Variants in TRAK1 observed in about 807,000 individuals in gnomAD.
The protein encoded by TRAK1 is trafficking kinesin-binding protein 1.
TRAK1 carries 33 observed loss-of-function variants against 92.1 expected under a neutral mutation model. The observed-to-expected ratio is 0.36, with a 90% CI of 0.27 to 0.48. TRAK1 has a LOEUF of 0.48. Ranked by LOEUF, TRAK1 falls within the 20% of genes least tolerant of loss-of-function variation. TRAK1 has a pLI of 0.99. For synonymous variants in TRAK1, 521 were observed against 517.3 expected, an observed-to-expected ratio of 1.01 and a Z score of -0.10; for missense variants, 1,123 against 1,257.9, an observed-to-expected ratio of 0.89 and a Z score of 1.62.
At chr3:42,103,729 C>T (rs1048374498) in intron 1 of TRAK1, among the ~76,000 whole-genome samples, 8 of 152,038 alleles carry the variant, frequency 5.3e-5, no homozygotes, top group Non-Finnish European at 1.0e-4. Context: ...CCAACATGGC[C>T]GAAAAGGAAC....
At chr3:42,145,223 G>A (rs985851343) in intron 2 of TRAK1, among the ~76,000 whole-genome samples, 8 of 152,150 alleles carry the variant, frequency 5.3e-5, no homozygotes, top group African/African-American at 1.9e-4. Flanking sequence ...GGTGGCCCAC[G>A]CCTGTAATTC....
At chr3:42,185,061 CCTCA>C in intron 4 of TRAK1, 1 of 455,450 alleles carries the variant, frequency 2.2e-6, no homozygotes, top group Non-Finnish European at 4.0e-6. Flanking sequence ...CGGGCATGGT[CCTCA>C]CTCAGTCGTA....
At chr3:42,056,136 T>C (rs1382653009) in intron 1 of TRAK1, among the ~76,000 whole-genome samples, 1 of 152,266 alleles carries the variant, frequency 6.6e-6, no homozygotes, top group Admixed American at 6.5e-5. Flanking sequence ...ATAATGTTGC[T>C]GTGAACATCT....
chr3:42,160,227 T>C lies in TRAK1; in HGVS notation c.287-16587T>C. On this transcript the variant is annotated intron_variant, in intron 2 of 15. Coordinates refer to ENST00000327628, the MANE Select transcript of TRAK1 (RefSeq NM_001042646.3). The stretch of plus-strand genomic sequence containing the variant: ...CCTCCACTTCAGCTGAGCCAGGGCA[T>C]GTCTGCGGCCCAGGCCAGGGCGCAG... 8.9e-6 allele frequency: 13 copies of C among 1,468,798 alleles called. No homozygotes were observed. The South Asian group carries it at 1.7e-4, about 20-fold the overall frequency. 91.0% of individuals were successfully genotyped at this position (1,468,798 alleles called of 1,614,324 possible). A position where few individuals can be genotyped will look rare whatever the true frequency, so the allele number is the denominator to read the frequency against.
rs1709026603 is a variant in TRAK1, at chr3:42,211,538, C to A, written c.1963+1553C>A. On this transcript the variant is annotated intron_variant, in intron 14 of 15. Transcript: ENST00000327628. Reference sequence around the variant, plus strand: ...CAGGTGGTGGTGCAGAAACATGATGCCTGGCTGATTTTCGTGGCTAAAGGG... The same window carrying A: ...CAGGTGGTGGTGCAGAAACATGATGACTGGCTGATTTTCGTGGCTAAAGGG... The A allele has an allele frequency of 9.1e-6, 9 of 985,258 alleles. No homozygotes were observed. In the South Asian group the frequency reaches 3.8e-4, roughly 41 times the overall value. 61.0% of individuals were successfully genotyped at this position (985,258 alleles called of 1,614,324 possible). A position where few individuals can be genotyped will look rare whatever the true frequency, so the allele number is the denominator to read the frequency against.
At chr3:42,051,757 G>C (rs990979565) in intron 1 of TRAK1, 3 of 152,232 alleles carry the variant, frequency 2.0e-5, no homozygotes, top group Non-Finnish European at 4.4e-5. Context: ...GAGCCATTAT[G>C]AGAAAGATAG....
intron 1 of TRAK1, among the ~76,000 whole-genome samples, chr3:42,122,436 G>A (rs933084370): frequency 4.6e-5 from 7 of 151,924 alleles, no homozygotes; most frequent in African/African-American, 1.7e-4. Context: ...TGTGTCATGC[G>A]GGAATGTGTT....
intron 1 of TRAK1, among the ~76,000 whole-genome samples, chr3:42,033,736 G>A (rs909212753): frequency 6.6e-6 from 1 of 152,186 alleles, no homozygotes; most frequent in African/African-American, 2.4e-5. Context: ...CTTGCTTGTT[G>A]ACAGCATGTA....
intron 1 of TRAK1, among the ~76,000 whole-genome samples, chr3:42,042,521 A>G (rs1702587708): frequency 6.6e-6 from 1 of 151,684 alleles, no homozygotes; most frequent in Non-Finnish European, 1.5e-5. Flanking sequence ...ACAGGCATGC[A>G]CCACCATACC....
chr3:42,040,910 C>T (rs1382911530), intron 1 of TRAK1, among the ~76,000 whole-genome samples: 1 of 152,114 alleles, frequency 6.6e-6, no homozygotes, highest in Non-Finnish European at 1.5e-5. Context: ...AACTCCTGAC[C>T]TCAAGTGATC....
At chr3:42,050,621 G>T (rs752487997) in intron 1 of TRAK1, among the ~76,000 whole-genome samples, 25 of 151,864 alleles carry the variant, frequency 1.6e-4, no homozygotes, top group African/African-American at 5.6e-4. Flanking sequence ...CCTTTTTTCC[G>T]TTTTCTTTGT....
chr3:42,143,389 GC>G (rs1002897151), intron 2 of TRAK1, among the ~76,000 whole-genome samples: 1 of 150,828 alleles, frequency 6.6e-6, no homozygotes, highest in African/African-American at 2.4e-5. Context: ...AGTGGAAAAG[GC>G]TTAGGACGGG....
chr3:42,205,008 G>A (rs1708162923), intron 13 of TRAK1, among the ~76,000 whole-genome samples: 2 of 152,300 alleles, frequency 1.3e-5, no homozygotes, highest in South Asian at 4.2e-4. Context: ...GCTAGGTTCA[G>A]TACAGCTCTG....
intron 2 of TRAK1, among the ~76,000 whole-genome samples, chr3:42,168,271 A>T (rs935110734): frequency 1.3e-5 from 2 of 152,196 alleles, no homozygotes; most frequent in Admixed American, 1.3e-4. Context: ...CTATGTGATA[A>T]CATCATTGTG....
chr3:42,028,146 C>T (rs940297575), intron 1 of TRAK1, among the ~76,000 whole-genome samples: 5 of 152,238 alleles, frequency 3.3e-5, no homozygotes, highest in Admixed American at 6.5e-5. Context: ...CCACCACCCC[C>T]GGCCACAGCC....
At chr3:42,053,375 T>TGGC (rs1553705285) in intron 1 of TRAK1, among the ~76,000 whole-genome samples, 6 of 50,622 alleles carry the variant, frequency 1.2e-4, no homozygotes, top group Non-Finnish European at 2.4e-4. Context: ...CAGAGTCGGG[T>TGGC]GGGGGGGGGG....
At chr3:42,109,442 A>C (rs1278794977) in intron 1 of TRAK1, among the ~76,000 whole-genome samples, 1 of 152,216 alleles carries the variant, frequency 6.6e-6, no homozygotes, top group Non-Finnish European at 1.5e-5. Context: ...AAAAGATATA[A>C]TGTTAAAAAT....
At chr3:42,185,739 C>A (rs1397148781) in intron 4 of TRAK1, among the ~76,000 whole-genome samples, 1 of 150,208 alleles carries the variant, frequency 6.7e-6, no homozygotes, top group Non-Finnish European at 1.5e-5. Flanking sequence ...TGGTGCGATC[C>A]CAGCTCACTG....
At chr3:42,130,232 T>G (rs1233503343) in intron 2 of TRAK1, among the ~76,000 whole-genome samples, 1 of 151,984 alleles carries the variant, frequency 6.6e-6, no homozygotes, top group African/African-American at 2.4e-5. Flanking sequence ...GCTGCATTGG[T>G]CTTTAGGTGG....
Sources: allele counts gnomAD v4.1 joint callset (sites outside exome capture counted in the v4.1 genomes callset), GRCh38; gene constraint gnomAD v4.1.1; transcripts MANE v1.5; gene names NCBI Gene and HGNC (gene_info 2026-07-23, HGNC 2026-07-21).